Variants in SRSF12 observed in about 807,000 individuals in gnomAD.
SRSF12 encodes the protein serine/arginine-rich splicing factor 12.
SRSF12 carries 21 observed loss-of-function variants against 34.1 expected under a neutral mutation model. The observed-to-expected ratio is 0.62, with a 90% CI of 0.44 to 0.89. SRSF12 has a LOEUF of 0.89. SRSF12 is among the 40% of genes least tolerant of loss of function. SRSF12 has a pLI of 0.00. For missense variants in SRSF12, 278 were observed against 327.8 expected, an observed-to-expected ratio of 0.85 and a Z score of 1.17; for synonymous variants, 111 against 110.8, an observed-to-expected ratio of 1.00 and a Z score of -0.01.
Position 89,105,010 on chromosome 6 carries a change from C to G in SRSF12, c.416+109G>C, listed in dbSNP as rs903850787. The G allele has an allele frequency of 6.3e-6, 7 of 1,104,426 alleles. No individual in the cohort carries two copies. In the Admixed American group the frequency reaches 1.5e-4, roughly 23 times the overall value. The allele number at this position is 1,104,426 out of a possible 1,614,324, so 68.4% of individuals were successfully genotyped here. ...GGTCAAGTCTACAGTGGGCCATGAT[C>G]GCACACTACTGCACTCCAGCCTGGG... On this transcript the variant is annotated intron_variant, in intron 4 of 4. Coordinates refer to ENST00000452027, the MANE Select transcript of SRSF12 (RefSeq NM_080743.5).
chr6:89,116,773 CT>C (rs1198269748), intron 1 of SRSF12, among the ~76,000 whole-genome samples: 1 of 92,254 alleles, frequency 1.1e-5, no homozygotes, highest in Non-Finnish European at 2.4e-5. Flanking sequence ...GAGACTTTGT[CT>C]AAAAAAAAAA....
At chr6:89,105,301 C>G (rs1768734103) in intron 3 of SRSF12, 41 bp from the exon 4 acceptor site, 1 of 1,581,206 alleles carries the variant, frequency 6.3e-7, no homozygotes, top group African/African-American at 1.4e-5. Context: ...AATTCGTTAC[C>G]TGAACACCAC....
In SRSF12 at chr6:89,105,181, T is replaced by C; in HGVS notation, c.354A>G (p.Arg118=). 6.2e-7 allele frequency: 1 copy of C among 1,612,624 alleles called. No individual in the cohort carries two copies. Among genetic ancestry groups the C allele is most frequent in the Non-Finnish European group, 8.5e-7 (1 of 1,179,232 alleles). ...ATGAAGAACTTCTACTTCGAGTTCT[T>C]CTTTGGCTGGGGCTTCTTGATCTCC... ...DHRRSRSPSQ[R]RTRSRSSSWG... is the part of the protein sequence containing the mutation. Residue 118 remains arginine, a synonymous_variant, in exon 4 of 5, where the codon AGA becomes AGG. Transcript: ENST00000452027.
rs780234250 is a variant in SRSF12, at chr6:89,098,933, C to T, written c.431G>A (p.Arg144Gln). 1.5e-5 allele frequency: 24 copies of T among 1,612,862 alleles called. No individual in the cohort carries two copies. The East Asian group carries it at 2.0e-4, about 13-fold the overall frequency. ...AGATTTAGACTGGCTATAAGAAAATCGCCTGTGTCGAGACCTGCAAACATC... is the reference window on the plus strand; with the variant it reads ...AGATTTAGACTGGCTATAAGAAAATTGCCTGTGTCGAGACCTGCAAACATC... ...SDSLKESRHR[R>Q]FSYSQSKSRS... The change falls in exon 5 of 5, where the codon CGA becomes CAA. Residue 144 changes from arginine (R) to glutamine (Q), a missense_variant. Coordinates refer to ENST00000452027, the MANE Select transcript of SRSF12 (RefSeq NM_080743.5).
intron 4 of SRSF12, among the ~76,000 whole-genome samples, chr6:89,100,106 AAAG>A (rs1409736375): frequency 1.3e-5 from 2 of 152,182 alleles, no homozygotes; most frequent in Non-Finnish European, 2.9e-5. Flanking sequence ...TAGAGACCAA[AAAG>A]TACCTCTAAA....
rs1768340292 is a variant in SRSF12 at position 89,098,032 on chromosome 6, T to A, written c.*546A>T. The A allele has an allele frequency of 6.6e-6, 1 of 152,390 alleles. No individual in the cohort carries two copies. The highest frequency in any genetic ancestry group is 1.5e-5 in the Non-Finnish European group (1 of 68,206). The allele number at this position is 152,390 out of a possible 1,614,324, so 9.4% of individuals were successfully genotyped here. On this transcript the variant is annotated 3_prime_UTR_variant, in exon 5 of 5. Transcript: ENST00000452027. ...ACCTTTGAGCTTAGGAGAGAATGTA[T>A]CTTTTGAATGTTTGATCTCTATATA... is the stretch of plus-strand genomic sequence containing the variant.
Position 89,098,657 on chromosome 6 carries a change from G to C in SRSF12, c.707C>G (p.Thr236Ser). Residue 236 changes from threonine (T) to serine (S), a missense_variant, in exon 5 of 5, where the codon ACT becomes AGT. Transcript: ENST00000452027. ...AGAATGCTTTGCTGTTTGTACTTTA[G>C]TTTCAGAATTGGTATACCCTTTGGG... ...KSPKGYTNSE[T>S]KVQTAKHSHF... 6.2e-7 allele frequency: 1 copy of C among 1,614,006 alleles called. No homozygotes were observed. The highest frequency in any genetic ancestry group is 1.1e-5 in the South Asian group (1 of 91,082).
chr6:89,098,485 G>A lies in SRSF12; in HGVS notation c.*93C>T, dbSNP rs879068362. ...TGCCCAAAGTAACTAATATCAACTCGCATTTTCTGTATGCCTTAAAGAATT... is the reference window on the plus strand; with the variant it reads ...TGCCCAAAGTAACTAATATCAACTCACATTTTCTGTATGCCTTAAAGAATT... On this transcript the variant is annotated 3_prime_UTR_variant, in exon 5 of 5. Transcript: ENST00000452027. 1.1e-5 allele frequency: 16 copies of A among 1,424,300 alleles called. No individual in the cohort carries two copies. The highest frequency in any genetic ancestry group is 7.1e-5 in the East Asian group (3 of 41,984). The allele number at this position is 1,424,300 out of a possible 1,614,324, so 88.2% of individuals were successfully genotyped here.
At chr6:89,101,169 C>T (rs1768524555) in intron 4 of SRSF12, among the ~76,000 whole-genome samples, 1 of 149,598 alleles carries the variant, frequency 6.7e-6, no homozygotes, top group Non-Finnish European at 1.5e-5. Flanking sequence ...AAACATCCTA[C>T]CGAAATACAG....
rs534130435 is a variant in SRSF12, at chr6:89,113,452, G to A, written c.65+4371C>T. ...CTCCCAAAGTGCTGGGATTATAGGC[G>A]TGAGCCACCGCACCCAGCCCAATTT... On this transcript the variant is annotated intron_variant, in intron 1 of 4. Transcript: ENST00000452027. Among the ~76,000 whole-genome samples, 33 of 152,214 alleles carry A rather than the reference G, an allele frequency of 2.2e-4. 1 individual carries two copies. The South Asian group carries it at 2.7e-3, about 12-fold the overall frequency.
At chr6:89,115,769 T>G (rs1769266873) in intron 1 of SRSF12, among the ~76,000 whole-genome samples, 1 of 150,844 alleles carries the variant, frequency 6.6e-6, no homozygotes, top group Non-Finnish European at 1.5e-5. Flanking sequence ...CCTGAGCAGC[T>G]GGGACTACAG....
rs1457280440 is a variant in SRSF12 at position 89,103,735 on chromosome 6, C to T, written c.416+1384G>A. Among the ~76,000 whole-genome samples the T allele has an allele frequency of 2.6e-5, 4 of 152,164 alleles. No homozygotes were observed. The East Asian group carries it at 5.8e-4, about 22-fold the overall frequency. On this transcript the variant is annotated intron_variant, in intron 4 of 4. Coordinates refer to ENST00000452027, the MANE Select transcript of SRSF12 (RefSeq NM_080743.5). The stretch of plus-strand genomic sequence containing the variant: ...TTGGCCTCCCAAAGTGCTGGGATTA[C>T]AGGCGTGAGCCACTGCACCTGGTCC...
intron 2 of SRSF12, 35 bp downstream of exon 2, chr6:89,107,119 G>C: frequency 6.5e-7 from 1 of 1,541,080 alleles, no homozygotes. Context: ...CGCATATACA[G>C]TATATTCACA....
intron 1 of SRSF12, among the ~76,000 whole-genome samples, chr6:89,114,476 G>A (rs1187261103): frequency 4.6e-5 from 7 of 152,078 alleles, no homozygotes; most frequent in African/African-American, 1.7e-4. Context: ...TAGGGTTACT[G>A]CGAAAATTTA....
Position 89,097,394 on chromosome 6 carries a change from TAAC to T in SRSF12, c.*1181_*1183del, listed in dbSNP as rs960255452. ...ACATTTTCAAAGAAATTATTAGTTA[TAAC>T]AACTACAAAAGCAATAAATATCAAT... On this transcript the variant is annotated 3_prime_UTR_variant, in exon 5 of 5. Coordinates refer to ENST00000452027, the MANE Select transcript of SRSF12 (RefSeq NM_080743.5). The T allele has an allele frequency of 1.3e-5, 2 of 152,364 alleles. No individual in the cohort carries two copies. The highest frequency in any genetic ancestry group is 4.8e-5 in the African/African-American group (2 of 41,594). The allele number at this position is 152,364 out of a possible 1,614,324, so 9.4% of individuals were successfully genotyped here.
intron 4 of SRSF12, among the ~76,000 whole-genome samples, chr6:89,099,515 T>C (rs912780001): frequency 1.2e-4 from 16 of 133,148 alleles, no homozygotes; most frequent in Admixed American, 7.8e-4. Flanking sequence ...TATATATATA[T>C]ACACACACAC....
chr6:89,105,778 G>C, intron 2 of SRSF12: 1 of 247,962 alleles, frequency 4.0e-6, no homozygotes, highest in Non-Finnish European at 7.7e-6. Flanking sequence ...TGTACTTTTA[G>C]TGTCTACAAT....
At chr6:89,117,751 G>A (rs1769381278) in intron 1 of SRSF12, 72 bp downstream of exon 1, 1 of 1,436,554 alleles carries the variant, frequency 7.0e-7, no homozygotes, top group Non-Finnish European at 9.2e-7. Context: ...GCCGGGCCTC[G>A]GCCGTGCTCC....
chr6:89,104,983 G>T, intron 4 of SRSF12, 136 bp downstream of exon 4: 1 of 790,412 alleles, frequency 1.3e-6, no homozygotes, highest in Non-Finnish European at 1.8e-6. Flanking sequence ...TTGAGTCTAG[G>T]AGGTCAAGTC....
Sources: allele counts gnomAD v4.1 joint callset (sites outside exome capture counted in the v4.1 genomes callset), GRCh38; gene constraint gnomAD v4.1.1; transcripts MANE v1.5; gene names NCBI Gene and HGNC (gene_info 2026-07-23, HGNC 2026-07-21).